WFDC8: variants seen among roughly 807,000 people sequenced by gnomAD.
WFDC8 encodes the protein WAP four-disulfide core domain 8.
A neutral mutation model predicts 27.0 loss-of-function variants in WFDC8; 24 were observed. That is an observed-to-expected ratio of 0.89 (90% CI 0.64 to 1.25). The LOEUF (loss-of-function observed/expected upper bound fraction) is 1.25. WFDC8 is among the 50% of genes most tolerant of loss of function. The pLI is 0.00. For synonymous variants in WFDC8, 106 were observed against 99.7 expected (o/e 1.06, Z -0.38); for missense variants, 287 against 295.9 (o/e 0.97, Z 0.22).
At chr20:45,557,071 G>C (rs1358742148) in intron 3 of WFDC8, among the ~76,000 whole-genome samples, 1 of 152,160 alleles carries the variant, frequency 6.6e-6, no homozygotes, top group Non-Finnish European at 1.5e-5. Flanking sequence ...TTCGTCAACA[G>C]AAAGGGCCAA....
At chr20:45,561,170 G>T (rs1002535015) in intron 2 of WFDC8, among the ~76,000 whole-genome samples, 1 of 152,082 alleles carries the variant, frequency 6.6e-6, no homozygotes, top group African/African-American at 2.4e-5. Context: ...ATACCTCATG[G>T]GTTTCTCTGC....
chr20:45,579,068 T>C (rs1981144209), intron 1 of WFDC8, among the ~76,000 whole-genome samples, 154 bp downstream of exon 1: 1 of 152,134 alleles, frequency 6.6e-6, no homozygotes, highest in South Asian at 2.1e-4. Context: ...CTCTGATTCC[T>C]GACACAAGAC....
chr20:45,558,814 A>T, intron 3 of WFDC8, 38 bp downstream of exon 3: 1 of 1,612,642 alleles, frequency 6.2e-7, no homozygotes, highest in Admixed American at 1.7e-5. Context: ...ACAGAGCAAG[A>T]AGTGGGGAAC....
At chr20:45,563,784 A>C (rs1980551382) in intron 1 of WFDC8, among the ~76,000 whole-genome samples, 1 of 152,200 alleles carries the variant, frequency 6.6e-6, no homozygotes, top group South Asian at 2.1e-4. Flanking sequence ...ATGGGTTTGA[A>C]ATTTTACCCT....
chr20:45,569,053 C>T (rs1188201584), intron 1 of WFDC8, among the ~76,000 whole-genome samples: 2 of 152,140 alleles, frequency 1.3e-5, no homozygotes, highest in African/African-American at 2.4e-5. Flanking sequence ...GTCACATCAG[C>T]CTTTAACTCT....
At chr20:45,576,032 C>T (rs1330819688) in intron 1 of WFDC8, among the ~76,000 whole-genome samples, 3 of 151,370 alleles carry the variant, frequency 2.0e-5, no homozygotes, top group South Asian at 4.2e-4. Flanking sequence ...TAGTAAGCCT[C>T]GTCCAAAGAT....
chr20:45,562,843 G>A (rs1980520733), intron 1 of WFDC8, among the ~76,000 whole-genome samples: 1 of 152,026 alleles, frequency 6.6e-6, no homozygotes, highest in African/African-American at 2.4e-5. Context: ...GTGTCTTCAT[G>A]ATCCTTATGT....
In WFDC8 at chr20:45,553,196, G is replaced by T. The variant is rs770260281; in HGVS notation, c.526C>A (p.Pro176Thr). ...GATTCACAACATTTGTCTGTCTGGG[G>T]ACAATCGATGTCACTGTGACATGAA... ...PPSCHSDIDC[P>T]QTDKCCESRC... Residue 176 changes from proline (P) to threonine (T), a missense_variant, in exon 5 of 6, where the codon CCC (proline) becomes ACC (threonine). By Grantham distance (38) the Pro-to-Thr change is conservative. Transcript: ENST00000289953. 5.6e-6 allele frequency: 9 copies of T among 1,613,742 alleles called. No individual in the cohort carries two copies. The highest frequency in any genetic ancestry group is 1.7e-5 in the Admixed American group (1 of 59,982).
At chr20:45,559,095 C>G (rs1980375763) in intron 2 of WFDC8, 103 bp from the exon 3 acceptor site, 1 of 1,431,608 alleles carries the variant, frequency 7.0e-7, no homozygotes, top group Admixed American at 2.0e-5. Flanking sequence ...TATCCTCTAC[C>G]TTCGATTCTT....
intron 3 of WFDC8, among the ~76,000 whole-genome samples, chr20:45,556,297 G>A (rs1229205192): frequency 6.6e-6 from 1 of 152,110 alleles, no homozygotes; most frequent in East Asian, 1.9e-4. Flanking sequence ...CACATTTCTT[G>A]CTTCCTGTAC....
chr20:45,552,377 C>T (rs1280451921), intron 5 of WFDC8, among the ~76,000 whole-genome samples: 1 of 152,190 alleles, frequency 6.6e-6, no homozygotes, highest in Non-Finnish European at 1.5e-5. Context: ...CCATCTCTGA[C>T]TTGTACCATC....
rs746950158 is a variant in WFDC8 at position 45,553,274 on chromosome 20, TAACTA to T, written c.446-3_447del. 14 of 1,612,542 alleles carry T rather than the reference TAACTA, an allele frequency of 8.7e-6. No individual in the cohort carries two copies. The highest frequency in any genetic ancestry group is 2.2e-5 in the South Asian group (2 of 90,836). On this transcript the variant is annotated splice_acceptor_variant and splice_polypyrimidine_tract_variant and coding_sequence_variant and intron_variant, in exon 5 of 6. Coordinates refer to ENST00000289953, the MANE Select transcript of WFDC8 (RefSeq NM_130896.3). LOFTEE classifies it high-confidence loss of function. ...GGGAAGAGTGGGCATTGTCCATCCTTAACTAAAATAAGAGCAGATGTGAGCTTCTT... is the reference window on the plus strand; with the variant it reads ...GGGAAGAGTGGGCATTGTCCATCCTTAAATAAGAGCAGATGTGAGCTTCTT...
At chr20:45,564,205 A>G (rs1980564627) in intron 1 of WFDC8, among the ~76,000 whole-genome samples, 1 of 139,730 alleles carries the variant, frequency 7.2e-6, no homozygotes, top group South Asian at 2.1e-4. Context: ...GAACTAGGAC[A>G]GACCTGGAAT....
chr20:45,554,043 G>A (rs73112720), intron 4 of WFDC8, among the ~76,000 whole-genome samples: 5,555 of 152,128 alleles, frequency 0.037, 111 homozygotes, highest in Middle Eastern at 0.092. Context: ...GTCACTCAAC[G>A]AAGCCTCAAT....
At chr20:45,576,867 C>G (rs2145579860) in intron 1 of WFDC8, among the ~76,000 whole-genome samples, 1 of 151,526 alleles carries the variant, frequency 6.6e-6, no homozygotes, top group Admixed American at 6.6e-5. Flanking sequence ...GAAATTATTA[C>G]CTATTAATTG....
chr20:45,577,524 G>A (rs1232409531), intron 1 of WFDC8, among the ~76,000 whole-genome samples: 3 of 148,976 alleles, frequency 2.0e-5, no homozygotes, highest in South Asian at 2.2e-4. Context: ...TCAGACTCCC[G>A]AGTAGCTGGG....
intron 5 of WFDC8, among the ~76,000 whole-genome samples, chr20:45,552,688 G>A (rs1010467409): frequency 6.6e-6 from 1 of 152,112 alleles, no homozygotes; most frequent in Non-Finnish European, 1.5e-5. Flanking sequence ...CTTAGAGGAG[G>A]CAGGAAAGTT....
At chr20:45,559,618 C>T (rs1304412364) in intron 2 of WFDC8, 2 of 152,210 alleles carry the variant, frequency 1.3e-5, no homozygotes, top group African/African-American at 4.8e-5. Context: ...ACAATTCCTG[C>T]CTTACAGGCT....
Position 45,551,965 on chromosome 20 carries a change from C to T in WFDC8, c.*61G>A. 1 of 1,577,188 alleles carries T rather than the reference C, an allele frequency of 6.3e-7. No homozygotes were observed. Among genetic ancestry groups the T allele is most frequent in the Non-Finnish European group, 8.6e-7 (1 of 1,158,314 alleles). ...CAAGTTGGATACAAGACAAAACTGA[C>T]AGCTCTTTATCATGCTACTCATAAT... On this transcript the variant is annotated 3_prime_UTR_variant, in exon 6 of 6. Coordinates refer to ENST00000289953, the MANE Select transcript of WFDC8 (RefSeq NM_130896.3).
Sources: gnomAD v4.1 joint callset for allele counts (sites outside exome capture counted in the v4.1 genomes callset) on GRCh38, gnomAD v4.1.1 for gene constraint, MANE v1.5 for transcripts, NCBI Gene and HGNC (gene_info 2026-07-23, HGNC 2026-07-21) for gene names.